Variants in ANXA8 observed in about 807,000 individuals in gnomAD.
The protein encoded by ANXA8 is annexin A8.
ANXA8 carries 9 observed loss-of-function variants against 26.8 expected under a neutral mutation model. The ratio of observed to expected loss-of-function variants is 0.34; its 90% confidence interval spans 0.20 to 0.59. The LOEUF (loss-of-function observed/expected upper bound fraction) is 0.59. ANXA8 is among the 20% of genes least tolerant of loss of function. The pLI is 0.84. For missense variants in ANXA8, 83 were observed against 238.5 expected (o/e 0.35, Z 4.29); for synonymous variants, 39 against 94.8 (o/e 0.41, Z 3.42).
intron 1 of ANXA8, among the ~76,000 whole-genome samples, chr10:47,481,700 A>G (rs1345851821): frequency 1.3e-5 from 2 of 149,600 alleles, no homozygotes; most frequent in Non-Finnish European, 3.0e-5. Flanking sequence ...ATTTTGCTGC[A>G]TTGAGAAGCC....
At chr10:47,973,938 T>C in the ANXA8 span, among the ~76,000 whole-genome samples, 2 of 151,208 alleles carry the variant, frequency 1.3e-5, no homozygotes, top group African/African-American at 4.8e-5. Flanking sequence ...ATTATTGGTT[T>C]AATTTCAGAG....
the ANXA8 span, among the ~76,000 whole-genome samples, chr10:47,500,475 G>A: frequency 9.8e-3 from 1,487 of 151,516 alleles, 32 homozygotes; most frequent in African/African-American, 0.033. Context: ...TCTGGCATTC[G>A]GAAAACCACC....
At chr10:47,687,276 T>C in the ANXA8 span, among the ~76,000 whole-genome samples, 1 of 150,864 alleles carries the variant, frequency 6.6e-6, no homozygotes, top group Non-Finnish European at 1.5e-5. Context: ...TTTTTTTTTT[T>C]TTTTGAGACA....
the ANXA8 span, among the ~76,000 whole-genome samples, chr10:47,967,078 CT>C: frequency 6.7e-6 from 1 of 149,346 alleles, no homozygotes; most frequent in South Asian, 2.1e-4. Flanking sequence ...ATTTAAAAAT[CT>C]TTCACTCTCA....
the ANXA8 span, among the ~76,000 whole-genome samples, chr10:47,976,774 C>T: frequency 6.8e-6 from 1 of 146,860 alleles, no homozygotes; most frequent in South Asian, 2.3e-4. Context: ...TCTGTGTGAA[C>T]AGCCCTATCC....
the ANXA8 span, among the ~76,000 whole-genome samples, chr10:47,688,353 G>A: frequency 8.9e-4 from 132 of 149,142 alleles, no homozygotes; most frequent in African/African-American, 3.1e-3. Flanking sequence ...GGTCTCAAGT[G>A]ATCCTCCCAC....
the ANXA8 span, among the ~76,000 whole-genome samples, chr10:47,952,366 A>T: frequency 6.7e-6 from 1 of 150,172 alleles, no homozygotes; most frequent in Non-Finnish European, 1.5e-5. Context: ...GTACTTTAAA[A>T]TCCTAAGGAA....
the ANXA8 span, among the ~76,000 whole-genome samples, chr10:47,645,511 G>A: frequency 6.7e-6 from 1 of 149,278 alleles, no homozygotes; most frequent in African/African-American, 2.5e-5. Context: ...TAAAAAGAAA[G>A]AGAAAGAGAA....
chr10:47,568,994 C>T, the ANXA8 span, among the ~76,000 whole-genome samples: 3 of 43,312 alleles, frequency 6.9e-5, no homozygotes, highest in Non-Finnish European at 1.5e-4. Flanking sequence ...GGCATAGTGA[C>T]GCACACCTGT....
At chr10:47,525,431 A>G in the ANXA8 span, among the ~76,000 whole-genome samples, 4 of 142,096 alleles carry the variant, frequency 2.8e-5, no homozygotes, top group Non-Finnish European at 4.5e-5. Context: ...ACAAAACCCT[A>G]TAAGATCTCA....
At chr10:47,620,805 G>A in the ANXA8 span, among the ~76,000 whole-genome samples, 1 of 108,090 alleles carries the variant, frequency 9.3e-6, no homozygotes, top group Non-Finnish European at 2.0e-5. Context: ...CCTGTAACAG[G>A]TTTCCTGTTA....
the ANXA8 span, among the ~76,000 whole-genome samples, chr10:47,709,339 T>G: frequency 6.7e-6 from 1 of 150,270 alleles, no homozygotes; most frequent in Non-Finnish European, 1.5e-5. Context: ...TAAAAAGTAC[T>G]TAAGTGTTTA....
chr10:47,588,469 C>G, the ANXA8 span, among the ~76,000 whole-genome samples: 2 of 139,354 alleles, frequency 1.4e-5, no homozygotes, highest in Admixed American at 6.9e-5. Context: ...TCTATTGCAA[C>G]AGAAATAGCC....
the ANXA8 span, among the ~76,000 whole-genome samples, chr10:47,670,056 T>A: frequency 6.6e-6 from 1 of 151,200 alleles, no homozygotes; most frequent in East Asian, 2.0e-4. Flanking sequence ...ACGAATGTGC[T>A]TTTTGTTTCT....
chr10:47,516,770 T>G, the ANXA8 span, among the ~76,000 whole-genome samples: 2 of 130,724 alleles, frequency 1.5e-5, no homozygotes, highest in Admixed American at 1.5e-4. Flanking sequence ...GAAAGGCATG[T>G]GATAAATGCT....
the ANXA8 span, among the ~76,000 whole-genome samples, chr10:47,748,493 G>A: frequency 1.2e-4 from 19 of 152,196 alleles, no homozygotes; most frequent in South Asian, 1.7e-3. Context: ...GATTATAGGC[G>A]TGAGCCACCG....
At chr10:47,968,615 G>A in the ANXA8 span, among the ~76,000 whole-genome samples, 4 of 142,074 alleles carry the variant, frequency 2.8e-5, no homozygotes, top group South Asian at 4.7e-4. Flanking sequence ...GAACCACTTC[G>A]ACCTCTTTGG....
At chr10:47,924,550 G>C in the ANXA8 span, among the ~76,000 whole-genome samples, 1 of 151,260 alleles carries the variant, frequency 6.6e-6, no homozygotes, top group Admixed American at 6.6e-5. Context: ...TAGCCTCCCA[G>C]GGCAGGGTGT....
chr10:47,700,871 C>T, the ANXA8 span, among the ~76,000 whole-genome samples: 1 of 149,418 alleles, frequency 6.7e-6, no homozygotes, highest in African/African-American at 2.5e-5. Flanking sequence ...CACTTGAGCT[C>T]AGGAGTTTGA....
Sources: gnomAD v4.1 joint callset for allele counts (sites outside exome capture counted in the v4.1 genomes callset) on GRCh38, gnomAD v4.1.1 for gene constraint, MANE v1.5 for transcripts, NCBI Gene and HGNC (gene_info 2026-07-23, HGNC 2026-07-21) for gene names.